The following ARSB variants were observed in gnomAD, a reference collection of about 807,000 sequenced individuals.
ARSB encodes the protein N-acetylgalactosamine-4-sulfatase.
ARSB carries 41 observed loss-of-function variants against 50.9 expected under a neutral mutation model. That is an observed-to-expected ratio of 0.81 (90% CI 0.63 to 1.04). The LOEUF is 1.04. Among genes scored for constraint, ARSB ranks in the 50% least tolerant of loss-of-function variants. ARSB has a pLI of 0.00. For missense variants in ARSB, 672 were observed against 693.3 expected, an observed-to-expected ratio of 0.97 and a Z score of 0.35; for synonymous variants, 269 against 284.8, an observed-to-expected ratio of 0.94 and a Z score of 0.56.
chr5:78,867,716 A>G (rs1746861476), intron 5 of ARSB, among the ~76,000 whole-genome samples: 1 of 152,244 alleles, frequency 6.6e-6, no homozygotes, highest in South Asian at 2.1e-4. Context: ...TGGGGAAAAA[A>G]CAGAACAGAA....
intron 5 of ARSB, among the ~76,000 whole-genome samples, chr5:78,841,914 C>T (rs1473585889): frequency 6.6e-6 from 1 of 152,044 alleles, no homozygotes; most frequent in Non-Finnish European, 1.5e-5. Context: ...ATGCACTCAT[C>T]AGAATATTTT....
At chr5:78,884,942 T>C (rs1331465247) in intron 5 of ARSB, 1 of 152,388 alleles carries the variant, frequency 6.6e-6, no homozygotes, top group Non-Finnish European at 1.5e-5. Context: ...CCCTGATGTA[T>C]CTTCTTCACA....
chr5:78,939,148 A>G (rs1750774225), intron 4 of ARSB, among the ~76,000 whole-genome samples: 1 of 152,238 alleles, frequency 6.6e-6, no homozygotes, highest in Admixed American at 6.5e-5. Context: ...AGATGTATCC[A>G]TGCCATGGGG....
At chr5:78,820,847 G>A (rs1024790167) in intron 6 of ARSB, among the ~76,000 whole-genome samples, 2 of 151,778 alleles carry the variant, frequency 1.3e-5, no homozygotes, top group Non-Finnish European at 2.9e-5. Flanking sequence ...CCCCTGGGGG[G>A]CTCACTAGCC....
intron 4 of ARSB, among the ~76,000 whole-genome samples, chr5:78,915,116 T>C (rs1238550225): frequency 1.3e-5 from 2 of 152,212 alleles, no homozygotes; most frequent in Non-Finnish European, 2.9e-5. Flanking sequence ...TGGCAGAAAC[T>C]TTCCCTTTTG....
At chr5:78,866,749 G>A (rs535492464) in intron 5 of ARSB, among the ~76,000 whole-genome samples, 1 of 152,296 alleles carries the variant, frequency 6.6e-6, no homozygotes, top group South Asian at 2.1e-4. Flanking sequence ...CAAAGATCAG[G>A]GTTCCATTAT....
intron 5 of ARSB, among the ~76,000 whole-genome samples, chr5:78,881,718 A>G (rs2112195173): frequency 6.6e-6 from 1 of 152,362 alleles, no homozygotes; most frequent in South Asian, 2.1e-4. Context: ...CACCTGTACA[A>G]GAGTACATTG....
At chr5:78,817,047 C>G (rs757893677) in intron 6 of ARSB, 3 of 979,342 alleles carry the variant, frequency 3.1e-6, no homozygotes, top group Non-Finnish European at 3.6e-6. Context: ...TGCTATACAG[C>G]GATAGGAAAT....
At chr5:78,875,961 C>T (rs1472006077) in intron 5 of ARSB, among the ~76,000 whole-genome samples, 4 of 152,082 alleles carry the variant, frequency 2.6e-5, no homozygotes, top group Admixed American at 2.0e-4. Flanking sequence ...AGCCACTGCG[C>T]CTGACCTATA....
intron 6 of ARSB, among the ~76,000 whole-genome samples, chr5:78,835,446 A>G (rs1373308093): frequency 6.6e-6 from 1 of 152,280 alleles, no homozygotes; most frequent in East Asian, 1.9e-4. Flanking sequence ...CAATCAGAGG[A>G]GACATTGGTC....
Position 78,969,143 on chromosome 5 carries a change from C to A in ARSB, c.362G>T (p.Cys121Phe), listed in dbSNP as rs1752339184. 1 of 1,614,068 alleles carries A rather than the reference C, an allele frequency of 6.2e-7. No homozygotes were observed. The highest frequency in any genetic ancestry group is 1.3e-5 in the African/African-American group (1 of 74,914). ...HQIIWPCQPS[C>F]VPLDEKLLPQ... ...CAGGAGTTTTTCATCCAGAGGAACACAGCTGGGCTGACAGGGCCAGATTAT... is the reference window on the plus strand; with the variant it reads ...CAGGAGTTTTTCATCCAGAGGAACAAAGCTGGGCTGACAGGGCCAGATTAT... Residue 121 changes from cysteine to phenylalanine, a missense_variant, in exon 2 of 8, where the codon TGT (cysteine) becomes TTT (phenylalanine). Physicochemically the swap from Cys to Phe is radical, Grantham distance 205. Transcript: ENST00000264914.
chr5:78,800,084 G>A (rs1357157954), intron 6 of ARSB, among the ~76,000 whole-genome samples: 3 of 152,076 alleles, frequency 2.0e-5, no homozygotes, highest in Non-Finnish European at 2.9e-5. Context: ...TTGGGAGGCC[G>A]AGGCAGGCAA....
At chr5:78,944,262 C>G (rs1283162744) in intron 4 of ARSB, among the ~76,000 whole-genome samples, 2 of 152,224 alleles carry the variant, frequency 1.3e-5, no homozygotes, top group Non-Finnish European at 2.9e-5. Context: ...TCGTCTGAAG[C>G]CTTCTTCTCT....
chr5:78,958,338 G>A (rs972921129), intron 3 of ARSB, among the ~76,000 whole-genome samples: 2 of 152,142 alleles, frequency 1.3e-5, no homozygotes, highest in Admixed American at 6.6e-5. Context: ...GCGAAGGAGA[G>A]AAAGGAGAAA....
At chr5:78,938,814 G>T (rs1290811658) in intron 4 of ARSB, among the ~76,000 whole-genome samples, 1 of 152,312 alleles carries the variant, frequency 6.6e-6, no homozygotes, top group South Asian at 2.1e-4. Flanking sequence ...TGAAAGCTCA[G>T]ATAATAAGTG....
chr5:78,933,276 A>G (rs372077320), intron 4 of ARSB, among the ~76,000 whole-genome samples: 1 of 152,232 alleles, frequency 6.6e-6, no homozygotes, highest in East Asian at 1.9e-4. Flanking sequence ...AATCGTTTAC[A>G]GCTTCCTACG....
At chr5:78,809,387 A>G (rs1743712375) in intron 6 of ARSB, among the ~76,000 whole-genome samples, 1 of 152,246 alleles carries the variant, frequency 6.6e-6, no homozygotes, top group African/African-American at 2.4e-5. Flanking sequence ...ACGGCAGCAC[A>G]TTGGTGGTGT....
chr5:78,781,853 T>C lies in ARSB; in HGVS notation c.1335A>G (p.Pro445=). ...HGNWKLLTGY[P]GCGYWFPPPS... The stretch of plus-strand genomic sequence containing the variant: ...AGTTTGCTAAGCTAAGGACTCTACC[T>C]GGGTAGCCCGTGAGGAGTTTCCAAT... The change falls in exon 7 of 8, where the codon CCA becomes CCG. Residue 445 remains proline (P), a splice_region_variant and synonymous_variant. Coordinates refer to ENST00000264914, the MANE Select transcript of ARSB (RefSeq NM_000046.5). 2 of 1,614,110 alleles carry C rather than the reference T, an allele frequency of 1.2e-6. No individual in the cohort carries two copies. Among genetic ancestry groups the C allele is most frequent in the Non-Finnish European group, 1.7e-6 (2 of 1,179,942 alleles).
intron 5 of ARSB, among the ~76,000 whole-genome samples, chr5:78,877,153 C>T (rs1747520994): frequency 6.6e-6 from 1 of 152,118 alleles, no homozygotes; most frequent in South Asian, 2.1e-4. Context: ...GCTCAGCATT[C>T]ACACAGAGTT....
Sources: allele counts gnomAD v4.1 joint callset (sites outside exome capture counted in the v4.1 genomes callset), GRCh38; gene constraint gnomAD v4.1.1; transcripts MANE v1.5; gene names NCBI Gene and HGNC (gene_info 2026-07-23, HGNC 2026-07-21).